TOMM40: variants seen among roughly 807,000 people sequenced by gnomAD.
The protein encoded by TOMM40 is mitochondrial import receptor subunit TOM40 homolog.
A neutral mutation model predicts 38.4 loss-of-function variants in TOMM40; 9 were observed. The observed-to-expected ratio is 0.23, with a 90% CI of 0.14 to 0.41. The LOEUF (loss-of-function observed/expected upper bound fraction) is 0.41. Ranked by LOEUF, TOMM40 falls within the 10% of genes least tolerant of loss-of-function variation. TOMM40 has a pLI of 1.00. For missense variants in TOMM40, 299 were observed against 486.5 expected, an observed-to-expected ratio of 0.61 and a Z score of 3.63; for synonymous variants, 184 against 210.0, an observed-to-expected ratio of 0.88 and a Z score of 1.07.
intron 1 of TOMM40, 98 bp from the exon 2 acceptor site, chr19:44,892,295 G>A: frequency 8.6e-7 from 1 of 1,159,868 alleles, no homozygotes; most frequent in Non-Finnish European, 1.3e-6. Context: ...GAGATGTTCT[G>A]CTGTGGGTCT....
chr19:44,903,393 C>T lies in TOMM40; in HGVS notation c.*224C>T. On this transcript the variant is annotated 3_prime_UTR_variant, in exon 9 of 9. Coordinates refer to ENST00000426677, the MANE Select transcript of TOMM40 (RefSeq NM_001128917.2). Reference sequence around the variant, plus strand: ...TAGCAGGGGCAGCATGCCCAGTGGGCCTGGGGTCCCGGGAGGGATTCCGGA... The same window carrying T: ...TAGCAGGGGCAGCATGCCCAGTGGGTCTGGGGTCCCGGGAGGGATTCCGGA... 2.1e-6 allele frequency: 1 copy of T among 487,230 alleles called. No individual in the cohort carries two copies. The highest frequency in any genetic ancestry group is 3.6e-6 in the Non-Finnish European group (1 of 279,378). 30.2% of individuals were successfully genotyped at this position (487,230 alleles called of 1,614,324 possible). A position where few individuals can be genotyped will look rare whatever the true frequency, so the allele number is the denominator to read the frequency against.
chr19:44,894,253 A>C, intron 5 of TOMM40, among the ~76,000 whole-genome samples, 187 bp downstream of exon 5: 2 of 135,842 alleles, frequency 1.5e-5, no homozygotes, highest in Non-Finnish European at 1.5e-5. Context: ...TGGGTGAGTC[A>C]GAGCAGTCTT....
Position 44,898,525 on chromosome 19 carries a change from C to CT in TOMM40, c.644-2189dup, listed in dbSNP as rs71173106. ...ATGTGTTGTTTCTTTTTTTTTTTTT[C>CT]TTTTTTTTTTTTTTTTGTCTTTTTG... On this transcript the variant is annotated intron_variant, in intron 5 of 8. Transcript: ENST00000426677. Among the ~76,000 whole-genome samples, 566 of 89,024 alleles carry CT rather than the reference C, an allele frequency of 6.4e-3. 6 individuals are homozygous for CT. The highest frequency in any genetic ancestry group is 0.011 in the East Asian group (34 of 3,112). 58.4% of individuals were successfully genotyped at this position (89,024 alleles called of 152,430 possible). A position where few individuals can be genotyped will look rare whatever the true frequency, so the allele number is the denominator to read the frequency against.
At chr19:44,898,867 G>T (rs552245332) in intron 5 of TOMM40, among the ~76,000 whole-genome samples, 1 of 151,482 alleles carries the variant, frequency 6.6e-6, no homozygotes, top group Admixed American at 6.6e-5. Flanking sequence ...TTTTTAGGCC[G>T]GGCGCGGTGG....
intron 5 of TOMM40, among the ~76,000 whole-genome samples, chr19:44,900,255 T>A (rs1969653950): frequency 6.6e-6 from 1 of 152,094 alleles, no homozygotes; most frequent in African/African-American, 2.4e-5. Context: ...GATGCCAGCG[T>A]CCATGGTCAC....
intron 5 of TOMM40, among the ~76,000 whole-genome samples, chr19:44,897,199 C>T (rs1055630635): frequency 1.3e-5 from 2 of 152,030 alleles, no homozygotes; most frequent in Admixed American, 6.5e-5. Flanking sequence ...GGGCATGAGA[C>T]TAGAGAGGAG....
intron 5 of TOMM40, among the ~76,000 whole-genome samples, chr19:44,898,184 A>G (rs1969603943): frequency 6.6e-6 from 1 of 152,124 alleles, no homozygotes; most frequent in Non-Finnish European, 1.5e-5. Context: ...GCCTGCAGGT[A>G]TGAAAGGCCC....
At chr19:44,896,119 C>T (rs370233443) in intron 5 of TOMM40, among the ~76,000 whole-genome samples, 1 of 152,194 alleles carries the variant, frequency 6.6e-6, no homozygotes, top group Non-Finnish European at 1.5e-5. Context: ...CCGCCTCGCT[C>T]GCCTGGTCCT....
At chr19:44,898,765 C>T (rs1359115193) in intron 5 of TOMM40, among the ~76,000 whole-genome samples, 11 of 151,732 alleles carry the variant, frequency 7.2e-5, no homozygotes, top group African/African-American at 2.2e-4. Context: ...CTCGAACCTC[C>T]GACCTCAGAC....
At position 44,903,291 on chromosome 19, in the gene TOMM40, A is replaced by C; in HGVS notation, c.*122A>C. The C allele has an allele frequency of 1.9e-6, 2 of 1,027,658 alleles. No individual in the cohort carries two copies. Among genetic ancestry groups the C allele is most frequent in the Non-Finnish European group, 2.7e-6 (2 of 741,718 alleles). The allele number at this position is 1,027,658 out of a possible 1,614,324, so 63.7% of individuals were successfully genotyped here. A position where few individuals can be genotyped will look rare whatever the true frequency, so the allele number is the denominator to read the frequency against. On this transcript the variant is annotated 3_prime_UTR_variant, in exon 9 of 9. Coordinates refer to ENST00000426677, the MANE Select transcript of TOMM40 (RefSeq NM_001128917.2). ...TCCCCCCTTGGGGGTCGGGGGGGAC[A>C]TTGGAAAGGAGGGACCCCGCCACCC...
chr19:44,896,638 C>T (rs961340866), intron 5 of TOMM40, among the ~76,000 whole-genome samples: 2 of 152,112 alleles, frequency 1.3e-5, no homozygotes, highest in South Asian at 2.1e-4. Flanking sequence ...TTCAGGAGCC[C>T]GTGAGCCTCC....
At chr19:44,899,534 C>T (rs1346074563) in intron 5 of TOMM40, among the ~76,000 whole-genome samples, 4 of 151,774 alleles carry the variant, frequency 2.6e-5, no homozygotes, top group African/African-American at 4.8e-5. Flanking sequence ...AAGCTGGTTT[C>T]GAATTCCTGG....
Position 44,903,348 on chromosome 19 carries a change from T to A in TOMM40, c.*179T>A, listed in dbSNP as rs1291123745. On this transcript the variant is annotated 3_prime_UTR_variant, in exon 9 of 9. Coordinates refer to ENST00000426677, the MANE Select transcript of TOMM40 (RefSeq NM_001128917.2). ...CTGAGGAGGGGATTCTGGAACTGAA[T>A]GGCGCTTCGGGATTCTGAGTAGCAG... 4.7e-6 allele frequency: 3 copies of A among 639,834 alleles called. No homozygotes were observed. The highest frequency in any genetic ancestry group is 4.4e-4 in the Middle Eastern group (1 of 2,290). 39.6% of individuals were successfully genotyped at this position (639,834 alleles called of 1,614,324 possible).
intron 1 of TOMM40, 79 bp downstream of exon 1, chr19:44,891,768 T>G: frequency 7.6e-7 from 1 of 1,313,608 alleles, no homozygotes; most frequent in South Asian, 1.8e-5. Context: ...GACTCTGGGA[T>G]TTGGCGCGCA....
chr19:44,900,049 G>T (rs1969650514), intron 5 of TOMM40, among the ~76,000 whole-genome samples: 1 of 152,040 alleles, frequency 6.6e-6, no homozygotes, highest in Non-Finnish European at 1.5e-5. Flanking sequence ...AGGCTCGAAA[G>T]ACACCAAAGT....
intron 5 of TOMM40, 50 bp from the exon 6 acceptor site, chr19:44,900,680 C>A: frequency 6.2e-7 from 1 of 1,611,248 alleles, no homozygotes; most frequent in South Asian, 1.1e-5. Context: ...GAGGTGGAGT[C>A]TAGCCTGGCA....
chr19:44,892,263 C>T, intron 1 of TOMM40, 130 bp from the exon 2 acceptor site: 1 of 924,078 alleles, frequency 1.1e-6, no homozygotes, highest in Non-Finnish European at 1.8e-6. Context: ...TGTACTGCCT[C>T]TTTACAGGTG....
Position 44,891,406 on chromosome 19 carries a change from G to C in TOMM40, c.-10G>C, listed in dbSNP as rs944192830. 1 of 1,284,292 alleles carries C rather than the reference G, an allele frequency of 7.8e-7. No homozygotes were observed. The highest frequency in any genetic ancestry group is 1.5e-5 in the African/African-American group (1 of 65,050). The allele number at this position is 1,284,292 out of a possible 1,614,324, so 79.6% of individuals were successfully genotyped here. On this transcript the variant is annotated 5_prime_UTR_variant, in exon 1 of 9. Coordinates refer to ENST00000426677, the MANE Select transcript of TOMM40 (RefSeq NM_001128917.2). Reference sequence around the variant, plus strand: ...CCTCTGCCCTCTGACCTCTCCCCTAGCAGGCGACCATGGGGAACGTGTTGG... The same window carrying C: ...CCTCTGCCCTCTGACCTCTCCCCTACCAGGCGACCATGGGGAACGTGTTGG...
Position 44,892,414 on chromosome 19 carries a change from A to G in TOMM40, c.296A>G (p.Glu99Gly), listed in dbSNP as rs1969483540. 1 of 1,613,390 alleles carries G rather than the reference A, an allele frequency of 6.2e-7. No individual in the cohort carries two copies. Among genetic ancestry groups the G allele is most frequent in the Admixed American group, 1.7e-5 (1 of 59,980 alleles). Reference protein sequence around the residue: ...KCKELFPIQMEGVKLTVNKGL... With the variant: ...KCKELFPIQMGGVKLTVNKGL... ...CCAGAGCTGTTTCCCATTCAGATGG[A>G]GGGTGTCAAGCTCACAGTCAACAAA... is the stretch of plus-strand genomic sequence containing the variant. Residue 99 changes from glutamate to glycine, a missense_variant, in exon 2 of 9, where the codon GAG becomes GGG. Glu to Gly is a moderately conservative substitution (Grantham distance 98). Coordinates refer to ENST00000426677, the MANE Select transcript of TOMM40 (RefSeq NM_001128917.2).
Sources: gnomAD v4.1 joint callset for allele counts (sites outside exome capture counted in the v4.1 genomes callset) on GRCh38, gnomAD v4.1.1 for gene constraint, MANE v1.5 for transcripts, NCBI Gene and HGNC (gene_info 2026-07-23, HGNC 2026-07-21) for gene names.